The following ANKRD6 variants were observed in gnomAD, a reference collection of about 807,000 sequenced individuals.
The protein encoded by ANKRD6 is ankyrin repeat domain-containing protein 6.
ANKRD6 carries 56 observed loss-of-function variants against 82.3 expected under a neutral mutation model. That is an observed-to-expected ratio of 0.68 (90% confidence interval 0.55 to 0.85). The LOEUF (loss-of-function observed/expected upper bound fraction) is 0.85, where lower values mean the gene tolerates loss of function less well. ANKRD6 is among the 40% of genes least tolerant of loss of function. ANKRD6 has a pLI of 0.00. For missense variants in ANKRD6, 852 were observed against 907.6 expected, an observed-to-expected ratio of 0.94 and a Z score of 0.79; for synonymous variants, 347 against 352.1, an observed-to-expected ratio of 0.99 and a Z score of 0.16.
intron 1 of ANKRD6, among the ~76,000 whole-genome samples, chr6:89,446,714 G>A (rs908737965): frequency 6.6e-5 from 10 of 152,090 alleles, no homozygotes; most frequent in South Asian, 4.1e-4. Flanking sequence ...TAGTTTGGCC[G>A]TGTCCCCACC....
At chr6:89,571,362 CTTGCTGTGGT>C (rs1039471602) in intron 2 of ANKRD6, among the ~76,000 whole-genome samples, 8 of 152,048 alleles carry the variant, frequency 5.3e-5, no homozygotes, top group Non-Finnish European at 1.0e-4. Context: ...GAGGTGATAT[CTTGCTGTGGT>C]TTTGATTTGC....
At chr6:89,584,373 C>T (rs767869195) in intron 2 of ANKRD6, among the ~76,000 whole-genome samples, 19 of 152,294 alleles carry the variant, frequency 1.2e-4, no homozygotes, top group Middle Eastern at 6.8e-3. Context: ...GTCTTATTGG[C>T]GAATTCCCTG....
intron 1 of ANKRD6, among the ~76,000 whole-genome samples, chr6:89,471,016 A>G (rs937840744): frequency 3.3e-4 from 50 of 152,206 alleles, no homozygotes; most frequent in African/African-American, 1.2e-3. Context: ...TGAGTTTGAA[A>G]ATCATTGTGT....
intron 1 of ANKRD6, among the ~76,000 whole-genome samples, chr6:89,447,023 CT>C: frequency 6.6e-6 from 1 of 152,282 alleles, no homozygotes; most frequent in East Asian, 1.9e-4. Flanking sequence ...ACTACCCAGT[CT>C]TGGGTATTTC....
At chr6:89,618,848 C>A (rs1283468034) in intron 9 of ANKRD6, among the ~76,000 whole-genome samples, 1 of 152,092 alleles carries the variant, frequency 6.6e-6, no homozygotes, top group Admixed American at 6.5e-5. Flanking sequence ...GTTTATTAAG[C>A]CATTTCCTTA....
chr6:89,603,320 A>ATTTTT (rs1229759944), intron 4 of ANKRD6, among the ~76,000 whole-genome samples, 193 bp downstream of exon 4: 4 of 114,710 alleles, frequency 3.5e-5, no homozygotes, highest in African/African-American at 6.9e-5. Context: ...GCCAATTGTA[A>ATTTTT]TTTTTTTTTT....
chr6:89,441,035 A>C (rs908194197), intron 1 of ANKRD6, among the ~76,000 whole-genome samples: 1 of 152,188 alleles, frequency 6.6e-6, no homozygotes, highest in Non-Finnish European at 1.5e-5. Flanking sequence ...CTAGATACAA[A>C]ATTAGTATAA....
At chr6:89,618,612 G>A (rs938374718) in intron 9 of ANKRD6, among the ~76,000 whole-genome samples, 1 of 152,184 alleles carries the variant, frequency 6.6e-6, no homozygotes, top group African/African-American at 2.4e-5. Flanking sequence ...ATAAAGAAAT[G>A]TCATAATAAT....
chr6:89,603,242 C>T lies in ANKRD6; in HGVS notation c.318+115C>T. On this transcript the variant is annotated intron_variant, in intron 4 of 15. Transcript: ENST00000339746. Reference sequence around the variant, plus strand: ...GTCCTCGAGGTATTATAATTCCTGTCTTACCACTTATGATTTAACATGATT... The same window carrying T: ...GTCCTCGAGGTATTATAATTCCTGTTTTACCACTTATGATTTAACATGATT... The T allele has an allele frequency of 9.2e-6, 7 of 763,080 alleles. No individual in the cohort carries two copies. In the South Asian group the frequency reaches 1.3e-4, roughly 15 times the overall value. The allele number at this position is 763,080 out of a possible 1,614,324, so 47.3% of individuals were successfully genotyped here. A position where few individuals can be genotyped will look rare whatever the true frequency, so the allele number is the denominator to read the frequency against.
At chr6:89,593,717 G>C (rs1017671920) in intron 2 of ANKRD6, among the ~76,000 whole-genome samples, 2 of 152,190 alleles carry the variant, frequency 1.3e-5, no homozygotes, top group African/African-American at 2.4e-5. Flanking sequence ...GACCTTAGGG[G>C]TATGCTTCAG....
At chr6:89,570,502 G>C (rs573731297) in intron 2 of ANKRD6, among the ~76,000 whole-genome samples, 12 of 152,236 alleles carry the variant, frequency 7.9e-5, no homozygotes, top group Non-Finnish European at 1.6e-4. Flanking sequence ...TCCATCTTCA[G>C]AAATTTTTCG....
At chr6:89,526,224 G>T (rs1333764015) in intron 1 of ANKRD6, among the ~76,000 whole-genome samples, 2 of 152,216 alleles carry the variant, frequency 1.3e-5, no homozygotes, top group Non-Finnish European at 2.9e-5. Context: ...CACTCTGGTT[G>T]CCAGGGGCTT....
intron 1 of ANKRD6, among the ~76,000 whole-genome samples, chr6:89,434,178 A>G (rs1267834636): frequency 6.6e-6 from 1 of 152,054 alleles, no homozygotes; most frequent in Non-Finnish European, 1.5e-5. Context: ...GACTTTGGAA[A>G]ACCCACTTCT....
At chr6:89,508,406 G>A (rs1373543462) in intron 1 of ANKRD6, among the ~76,000 whole-genome samples, 1 of 152,182 alleles carries the variant, frequency 6.6e-6, no homozygotes, top group Non-Finnish European at 1.5e-5. Flanking sequence ...ATGAGAGTTG[G>A]GGAAATCAGG....
chr6:89,459,918 G>A (rs1366921990), intron 1 of ANKRD6, among the ~76,000 whole-genome samples: 2 of 151,962 alleles, frequency 1.3e-5, no homozygotes, highest in African/African-American at 2.4e-5. Context: ...GCTGACAGTA[G>A]TATTTCTAAT....
intron 1 of ANKRD6, among the ~76,000 whole-genome samples, chr6:89,553,270 G>C (rs1786096823): frequency 6.6e-6 from 1 of 152,216 alleles, no homozygotes; most frequent in South Asian, 2.1e-4. Context: ...CATTTCTGGA[G>C]GAGGGTCACA....
chr6:89,555,281 G>C (rs1786438104), intron 1 of ANKRD6, among the ~76,000 whole-genome samples: 1 of 151,746 alleles, frequency 6.6e-6, no homozygotes, highest in African/African-American at 2.4e-5. Flanking sequence ...TTTTTACTTA[G>C]AATATAAGAA....
chr6:89,510,820 A>G (rs1271599445), intron 1 of ANKRD6, among the ~76,000 whole-genome samples: 2 of 152,124 alleles, frequency 1.3e-5, no homozygotes, highest in South Asian at 2.1e-4. Context: ...GCTTTGCTCT[A>G]TGCTGTAACT....
chr6:89,523,644 A>G (rs899176711), intron 1 of ANKRD6, among the ~76,000 whole-genome samples: 3 of 152,124 alleles, frequency 2.0e-5, no homozygotes, highest in Non-Finnish European at 4.4e-5. Flanking sequence ...AAGTACCCAT[A>G]GTGATGCTGA....
Sources: gnomAD v4.1 joint callset for allele counts (sites outside exome capture counted in the v4.1 genomes callset) on GRCh38, gnomAD v4.1.1 for gene constraint, MANE v1.5 for transcripts, NCBI Gene and HGNC (gene_info 2026-07-23, HGNC 2026-07-21) for gene names.